The following KIRREL3 variants were observed in gnomAD, a reference collection of about 807,000 sequenced individuals.
KIRREL3 encodes the protein kirre like nephrin family adhesion molecule 3, also known as kin of IRRE-like protein 3.
KIRREL3 carries 36 observed loss-of-function variants against 89.7 expected under a neutral mutation model. The ratio of observed to expected loss-of-function variants is 0.40; its 90% confidence interval spans 0.31 to 0.53. The LOEUF (loss-of-function observed/expected upper bound fraction) is 0.53, where lower values mean the gene tolerates loss of function less well. Ranked by LOEUF, KIRREL3 falls within the 20% of genes least tolerant of loss-of-function variation. KIRREL3 has a pLI of 0.49. For missense variants in KIRREL3, 864 were observed against 1,056.6 expected (o/e 0.82, Z 2.53); for synonymous variants, 445 against 441.4 (o/e 1.01, Z -0.10).
chr11:126,892,172 C>A lies in KIRREL3; in HGVS notation c.55+108283G>T, dbSNP rs1292119899. Among the ~76,000 whole-genome samples the A allele has an allele frequency of 6.6e-6, 1 of 152,146 alleles. No homozygotes were observed. The highest frequency in any genetic ancestry group is 1.5e-5 in the Non-Finnish European group (1 of 68,038). Reference sequence around the variant, plus strand: ...TTTTTAGCAGTAGAAGCTTTCCTTTCCTAATTGAAATTTTACAGGGAACAA... The same window carrying A: ...TTTTTAGCAGTAGAAGCTTTCCTTTACTAATTGAAATTTTACAGGGAACAA... On this transcript the variant is annotated intron_variant, in intron 1 of 16. Coordinates refer to ENST00000525144, the MANE Select transcript of KIRREL3 (RefSeq NM_032531.4). The surrounding 1 kb of genome is among the most constrained non-coding windows in gnomAD (Gnocchi z 5.4).
chr11:126,462,209 C>T lies in KIRREL3; in HGVS notation c.742+948G>A, dbSNP rs190419662. On this transcript the variant is annotated intron_variant, in intron 6 of 16. Coordinates refer to ENST00000525144, the MANE Select transcript of KIRREL3 (RefSeq NM_032531.4). The surrounding 1 kb of genome is among the most constrained non-coding windows in gnomAD (Gnocchi z 4.8). The stretch of plus-strand genomic sequence containing the variant: ...CTGTCAACATGAATCCTAACACGGG[C>T]CACCGAGGGCTGGCTGGGCAGGAGT... 3.8e-4 allele frequency among the ~76,000 whole-genome samples: 58 copies of T among 152,188 alleles called. No homozygotes were observed. Among genetic ancestry groups the T allele is most frequent in the Admixed American group, 1.4e-3 (21 of 15,284 alleles).
At position 126,771,842 on chromosome 11, in the gene KIRREL3, T is replaced by C. The variant is rs1815545978; in HGVS notation, c.56-208930A>G. On this transcript the variant is annotated intron_variant, in intron 1 of 16. Coordinates refer to ENST00000525144, the MANE Select transcript of KIRREL3 (RefSeq NM_032531.4). The surrounding 1 kb of genome is among the most constrained non-coding windows in gnomAD (Gnocchi z 4.4). The stretch of plus-strand genomic sequence containing the variant: ...GCATGAATGGTATCTTGCAGACATC[T>C]ACCCTGAAATAGAGACCTGAAGTTC... Among the ~76,000 whole-genome samples the C allele has an allele frequency of 6.6e-6, 1 of 152,266 alleles. No individual in the cohort carries two copies. Among genetic ancestry groups the C allele is most frequent in the Non-Finnish European group, 1.5e-5 (1 of 68,048 alleles).
chr11:126,559,840 TTATTA>T (rs1257255449), intron 2 of KIRREL3, among the ~76,000 whole-genome samples: 1 of 147,432 alleles, frequency 6.8e-6, no homozygotes, highest in Non-Finnish European at 1.5e-5. Flanking sequence ...TGGCTGATTA[TTATTA>T]TTTTTTTTTG....
Position 126,642,198 on chromosome 11 carries a change from T to G in KIRREL3, c.56-79286A>C, listed in dbSNP as rs963125549. On this transcript the variant is annotated intron_variant, in intron 1 of 16. Coordinates refer to ENST00000525144, the MANE Select transcript of KIRREL3 (RefSeq NM_032531.4). The surrounding 1 kb of genome is among the most constrained non-coding windows in gnomAD (Gnocchi z 4.9). ...AAGTAATAGATTTTTGACAGATGCT[T>G]TCCTGCCTTCTAGTCCAAACTTCAA... Among the ~76,000 whole-genome samples, 8 of 152,202 alleles carry G rather than the reference T, an allele frequency of 5.3e-5. No homozygotes were observed. The highest frequency in any genetic ancestry group is 1.9e-4 in the African/African-American group (8 of 41,448).
At position 126,535,759 on chromosome 11, in the gene KIRREL3, T is replaced by G. The variant is rs1591696414; in HGVS notation, c.134-9072A>C. On this transcript the variant is annotated intron_variant, in intron 2 of 16. Transcript: ENST00000525144. This position sits in a 1 kb window ranked among gnomAD's most constrained non-coding sequence, Gnocchi z 4.5. Reference sequence around the variant, plus strand: ...CAGCACTTTGGGAAGCTGAGGCGGGTGGATCACCTGAGGTCAGGGGTTCGA... The same window carrying G: ...CAGCACTTTGGGAAGCTGAGGCGGGGGGATCACCTGAGGTCAGGGGTTCGA... 6.6e-6 allele frequency among the ~76,000 whole-genome samples: 1 copy of G among 152,066 alleles called. No individual in the cohort carries two copies. Among genetic ancestry groups the G allele is most frequent in the African/African-American group, 2.4e-5 (1 of 41,400 alleles).
chr11:126,667,165 GA>G (rs1289943755), intron 1 of KIRREL3, among the ~76,000 whole-genome samples: 1 of 152,122 alleles, frequency 6.6e-6, no homozygotes, highest in East Asian at 1.9e-4. Flanking sequence ...AGAGTTACAG[GA>G]AATAAAAAAA....
chr11:126,746,634 C>G (rs180957229), intron 1 of KIRREL3, among the ~76,000 whole-genome samples: 155 of 152,270 alleles, frequency 1.0e-3, no homozygotes, highest in Admixed American at 1.8e-3. Flanking sequence ...CTGGTCCCCC[C>G]TCTCCCTCCC....
In KIRREL3 at chr11:126,627,068, C is replaced by T. The variant is rs556478724; in HGVS notation, c.56-64156G>A. 6.6e-6 allele frequency among the ~76,000 whole-genome samples: 1 copy of T among 151,364 alleles called. No individual in the cohort carries two copies. Among genetic ancestry groups the T allele is most frequent in the Admixed American group, 6.6e-5 (1 of 15,218 alleles). ...GAAGCCTCAAAGGAAGGTGTGTGTG[C>T]ATGCATGTGTGTGTATGTGTGTGTG... On this transcript the variant is annotated intron_variant, in intron 1 of 16. Transcript: ENST00000525144. The surrounding 1 kb of genome is among the most constrained non-coding windows in gnomAD (Gnocchi z 5.0).
In KIRREL3 at chr11:126,890,480, T is replaced by G. The variant is rs1945869492; in HGVS notation, c.55+109975A>C. Among the ~76,000 whole-genome samples, 1 of 152,224 alleles carries G rather than the reference T, an allele frequency of 6.6e-6. No individual in the cohort carries two copies. The highest frequency in any genetic ancestry group is 1.5e-5 in the Non-Finnish European group (1 of 68,038). On this transcript the variant is annotated intron_variant, in intron 1 of 16. Transcript: ENST00000525144. The surrounding 1 kb of genome is among the most constrained non-coding windows in gnomAD (Gnocchi z 5.1). ...GGTCTGGCACTCTAATTGTCCAATC[T>G]GCTGCTCAATTTTCAACAGGATCTC...
At chr11:126,650,253 C>T (rs1944859352) in intron 1 of KIRREL3, among the ~76,000 whole-genome samples, 1 of 152,242 alleles carries the variant, frequency 6.6e-6, no homozygotes, top group African/African-American at 2.4e-5. Context: ...GAATTTTCTC[C>T]ATCATCGTGG....
At chr11:126,675,822 T>C (rs771852720) in intron 1 of KIRREL3, among the ~76,000 whole-genome samples, 13 of 152,110 alleles carry the variant, frequency 8.5e-5, no homozygotes, top group Non-Finnish European at 1.3e-4. Flanking sequence ...AGCAGCTGTA[T>C]GGGTAATGGA....
chr11:126,999,515 C>T lies in KIRREL3; in HGVS notation c.55+940G>A, dbSNP rs749369117. Among the ~76,000 whole-genome samples, 47 of 152,242 alleles carry T rather than the reference C, an allele frequency of 3.1e-4. No individual in the cohort carries two copies. Among genetic ancestry groups the T allele is most frequent in the Non-Finnish European group, 6.6e-4 (45 of 68,052 alleles). On this transcript the variant is annotated intron_variant, in intron 1 of 16. Transcript: ENST00000525144. This position sits in a 1 kb window ranked among gnomAD's most constrained non-coding sequence, Gnocchi z 5.7. ...TTTCTGAGTCTTGCACCTCTAAGAG[C>T]TGTGTTGGCTGGCACAAATGCAGCC...
Position 126,734,792 on chromosome 11 carries a change from A to T in KIRREL3, c.56-171880T>A, listed in dbSNP as rs1284523547. Among the ~76,000 whole-genome samples, 1 of 152,202 alleles carries T rather than the reference A, an allele frequency of 6.6e-6. No individual in the cohort carries two copies. Among genetic ancestry groups the T allele is most frequent in the African/African-American group, 2.4e-5 (1 of 41,454 alleles). On this transcript the variant is annotated intron_variant, in intron 1 of 16. Transcript: ENST00000525144. This position sits in a 1 kb window ranked among gnomAD's most constrained non-coding sequence, Gnocchi z 5.9. Reference sequence around the variant, plus strand: ...GGAATCACAGTGGTGGAGACTGATGAGCAGGTCAGAGAAGTTTTCGTTGGA... The same window carrying T: ...GGAATCACAGTGGTGGAGACTGATGTGCAGGTCAGAGAAGTTTTCGTTGGA...
intron 1 of KIRREL3, among the ~76,000 whole-genome samples, chr11:126,950,727 C>A (rs1162927831): frequency 6.6e-6 from 1 of 152,204 alleles, no homozygotes; most frequent in African/African-American, 2.4e-5. Context: ...AGGTGGAGAG[C>A]CACCTGTCTG....
rs1950015105 is a variant in KIRREL3 at position 126,771,317 on chromosome 11, C to A, written c.56-208405G>T. Reference sequence around the variant, plus strand: ...GAGTGGTTAAATGACCTGCTTGAGTCCAGTTAACAGACATGAGGTTTGAAC... The same window carrying A: ...GAGTGGTTAAATGACCTGCTTGAGTACAGTTAACAGACATGAGGTTTGAAC... On this transcript the variant is annotated intron_variant, in intron 1 of 16. Coordinates refer to ENST00000525144, the MANE Select transcript of KIRREL3 (RefSeq NM_032531.4). This position sits in a 1 kb window ranked among gnomAD's most constrained non-coding sequence, Gnocchi z 4.4. 6.6e-6 allele frequency among the ~76,000 whole-genome samples: 1 copy of A among 151,940 alleles called. No individual in the cohort carries two copies. Among genetic ancestry groups the A allele is most frequent in the Admixed American group, 6.6e-5 (1 of 15,254 alleles).
intron 1 of KIRREL3, among the ~76,000 whole-genome samples, chr11:126,590,719 G>A (rs1942092428): frequency 6.6e-6 from 1 of 152,168 alleles, no homozygotes. Flanking sequence ...GCCTGTGGGG[G>A]CTGCTGCACC....
chr11:126,775,766 C>T (rs1462763087), intron 1 of KIRREL3, among the ~76,000 whole-genome samples: 1 of 152,146 alleles, frequency 6.6e-6, no homozygotes. Flanking sequence ...GGTGGAAGTG[C>T]TGTTATGTGC....
At chr11:126,573,912 G>A (rs1240311215) in intron 1 of KIRREL3, among the ~76,000 whole-genome samples, 60 of 152,152 alleles carry the variant, frequency 3.9e-4, no homozygotes, top group Non-Finnish European at 1.5e-5. Flanking sequence ...CAAGATTGCA[G>A]GGGAAGTTTT....
intron 9 of KIRREL3, among the ~76,000 whole-genome samples, chr11:126,445,415 G>T (rs2134191236): frequency 6.6e-6 from 1 of 152,328 alleles, no homozygotes; most frequent in South Asian, 2.1e-4. Flanking sequence ...CCTGCCTGGG[G>T]ACTTCCAGGT....
Sources: gnomAD v4.1 joint callset for allele counts (sites outside exome capture counted in the v4.1 genomes callset) on GRCh38, gnomAD v4.1.1 for gene constraint, Gnocchi (gnomAD v3.1) non-coding constraint, MANE v1.5 for transcripts, NCBI Gene and HGNC (gene_info 2026-07-23, HGNC 2026-07-21) for gene names.